The following XPNPEP1 variants were observed in gnomAD, a reference collection of about 807,000 sequenced individuals.
The protein encoded by XPNPEP1 is X-prolyl aminopeptidase 1, also known as xaa-Pro aminopeptidase 1.
Under a neutral mutation model 92.4 loss-of-function variants are expected in XPNPEP1, and 39 were observed. The observed-to-expected ratio is 0.42, with a 90% CI of 0.33 to 0.55. XPNPEP1 has a LOEUF of 0.55. Among genes scored for constraint, XPNPEP1 ranks in the 20% least tolerant of loss-of-function variants. The pLI is 0.08. For synonymous variants in XPNPEP1, 307 were observed against 299.4 expected, an observed-to-expected ratio of 1.03 and a Z score of -0.26; for missense variants, 654 against 856.1, an observed-to-expected ratio of 0.76 and a Z score of 2.95.
intron 7 of XPNPEP1, 98 bp from the exon 8 acceptor site, chr10:109,886,439 T>C: frequency 8.9e-7 from 1 of 1,121,592 alleles, no homozygotes; most frequent in South Asian, 1.4e-5. Context: ...ATCAGCACCA[T>C]TTCTTACAGG....
In XPNPEP1 at chr10:109,878,062, T is replaced by A. The variant is rs571595876; in HGVS notation, c.1183-4A>T. 11 of 1,613,740 alleles carry A rather than the reference T, an allele frequency of 6.8e-6. No individual in the cohort carries two copies. The South Asian group carries it at 1.2e-4, about 18-fold the overall frequency. Reference sequence around the variant, plus strand: ...CTGTCACACCACCTTTGGGAACCTATGAGAAAATTGCTTATAAATCATCTG... The same window carrying A: ...CTGTCACACCACCTTTGGGAACCTAAGAGAAAATTGCTTATAAATCATCTG... On this transcript the variant is annotated splice_region_variant and splice_polypyrimidine_tract_variant and intron_variant, in intron 12 of 20. Coordinates refer to ENST00000502935, the MANE Select transcript of XPNPEP1 (RefSeq NM_020383.4).
intron 5 of XPNPEP1, among the ~76,000 whole-genome samples, chr10:109,888,996 C>T (rs1416350270): frequency 6.6e-6 from 1 of 152,192 alleles, no homozygotes; most frequent in African/African-American, 2.4e-5. Flanking sequence ...AGTCTGGGAA[C>T]TGGGAGACTC....
chr10:109,879,373 C>T (rs1847964811), intron 12 of XPNPEP1, among the ~76,000 whole-genome samples: 2 of 152,050 alleles, frequency 1.3e-5, no homozygotes, highest in Non-Finnish European at 2.9e-5. Flanking sequence ...AGTTCAAGAC[C>T]AGCCTGGCCA....
At chr10:109,866,115 T>A (rs1313444351) in intron 20 of XPNPEP1, among the ~76,000 whole-genome samples, 1 of 152,216 alleles carries the variant, frequency 6.6e-6, no homozygotes, top group Non-Finnish European at 1.5e-5. Flanking sequence ...GGTAGCTGTC[T>A]GGAAGCTGAT....
chr10:109,906,344 G>A (rs1849558800), intron 3 of XPNPEP1, among the ~76,000 whole-genome samples: 1 of 152,158 alleles, frequency 6.6e-6, no homozygotes, highest in African/African-American at 2.4e-5. Context: ...AAGTAAGAGA[G>A]GAAAAGATAT....
chr10:109,904,745 A>T (rs1849463845), intron 3 of XPNPEP1, among the ~76,000 whole-genome samples: 1 of 152,216 alleles, frequency 6.6e-6, no homozygotes, highest in Admixed American at 6.5e-5. Flanking sequence ...TCACCTCACA[A>T]CAAAACAAAA....
chr10:109,916,376 G>A (rs1235281414), intron 1 of XPNPEP1, among the ~76,000 whole-genome samples: 1 of 152,234 alleles, frequency 6.6e-6, no homozygotes, highest in Non-Finnish European at 1.5e-5. Context: ...TGTATCAGGG[G>A]ATGGGGAGGT....
chr10:109,908,896 C>A (rs1321679884), intron 2 of XPNPEP1, among the ~76,000 whole-genome samples: 1 of 152,210 alleles, frequency 6.6e-6, no homozygotes, highest in Non-Finnish European at 1.5e-5. Flanking sequence ...GTCTTATCTT[C>A]TAGTGAATAC....
At chr10:109,881,426 G>T (rs1335398902) in intron 10 of XPNPEP1, among the ~76,000 whole-genome samples, 1 of 152,092 alleles carries the variant, frequency 6.6e-6, no homozygotes, top group Non-Finnish European at 1.5e-5. Context: ...TGAAGGGCTG[G>T]AGAAGACCCT....
chr10:109,888,110 G>C lies in XPNPEP1; in HGVS notation c.591C>G (p.Ile197Met). The change falls in exon 7 of 21, where the codon ATC becomes ATG. Residue 197 changes from isoleucine (I) to methionine (M), a missense_variant. By Grantham distance (10) the Ile-to-Met change is conservative. Transcript: ENST00000502935. ...IPVKENLVDK[I>M]WTDRPERPCK... is the part of the protein sequence containing the mutation. ...AAGGGCGCTCAGGACGGTCTGTCCA[G>C]ATTTTGTCAACGAGGTTCTCCTTGA... 6.2e-7 allele frequency: 1 copy of C among 1,614,122 alleles called. No individual in the cohort carries two copies. Among genetic ancestry groups the C allele is most frequent in the Non-Finnish European group, 8.5e-7 (1 of 1,180,028 alleles).
intron 1 of XPNPEP1, chr10:109,923,090 C>T (rs1266191919): frequency 5.3e-5 from 48 of 911,984 alleles, no homozygotes; most frequent in Non-Finnish European, 5.9e-5. Flanking sequence ...GGCCTTCCCG[C>T]GGGCCAGGAA....
intron 1 of XPNPEP1, 105 bp downstream of exon 1, chr10:109,923,297 G>A: frequency 1.6e-6 from 2 of 1,236,758 alleles, no homozygotes; most frequent in Non-Finnish European, 2.0e-6. Flanking sequence ...GCGGCGGGCC[G>A]GGCTCCTCAC....
At chr10:109,913,876 T>A (rs113841371) in intron 2 of XPNPEP1, among the ~76,000 whole-genome samples, 318 of 152,352 alleles carry the variant, frequency 2.1e-3, no homozygotes, top group Non-Finnish European at 3.1e-3. Flanking sequence ...CTAAGTTTAA[T>A]GATTCCATCA....
intron 10 of XPNPEP1, among the ~76,000 whole-genome samples, 196 bp from the exon 11 acceptor site, chr10:109,881,127 C>T (rs989797994): frequency 6.6e-6 from 1 of 152,158 alleles, no homozygotes; most frequent in Non-Finnish European, 1.5e-5. Context: ...TAAGCTCAAC[C>T]AAAAAGAGTA....
chr10:109,865,219 T>C lies in XPNPEP1; in HGVS notation c.1966A>G (p.Ile656Val). The change falls in exon 21 of 21, where the codon ATC becomes GTC. Residue 656 changes from isoleucine to valine, a missense_variant. Coordinates refer to ENST00000502935, the MANE Select transcript of XPNPEP1 (RefSeq NM_020383.4). ...QGRQEALEWL[I>V]RETQPISKQH ...TTGGAGATGGGTTGCGTCTCTCTGA[T>C]GAGCCACTCGAGAGCTTCCTGGCGG... is the stretch of plus-strand genomic sequence containing the variant. 1 of 1,614,176 alleles carries C rather than the reference T, an allele frequency of 6.2e-7. No individual in the cohort carries two copies. The highest frequency in any genetic ancestry group is 1.7e-5 in the Admixed American group (1 of 60,026).
intron 12 of XPNPEP1, among the ~76,000 whole-genome samples, chr10:109,879,158 C>T (rs1325607158): frequency 1.3e-5 from 2 of 151,890 alleles, no homozygotes; most frequent in African/African-American, 4.8e-5. Flanking sequence ...AGGAGAATGG[C>T]GTGAACCCAG....
intron 6 of XPNPEP1, 33 bp from the exon 7 acceptor site, chr10:109,888,225 C>T (rs1277374875): frequency 5.0e-6 from 8 of 1,601,082 alleles, no homozygotes; most frequent in African/African-American, 1.3e-5. Flanking sequence ...AGCCATGAGC[C>T]GAACGCCCAT....
At chr10:109,913,437 CG>C (rs1461482675) in intron 2 of XPNPEP1, among the ~76,000 whole-genome samples, 1 of 152,216 alleles carries the variant, frequency 6.6e-6, no homozygotes, top group Non-Finnish European at 1.5e-5. Flanking sequence ...CATCTTAACA[CG>C]GGCACAGATG....
intron 14 of XPNPEP1, chr10:109,875,810 G>C (rs1847752031): frequency 4.3e-6 from 2 of 460,918 alleles, no homozygotes; most frequent in East Asian, 7.2e-5. Flanking sequence ...CCCCAGCTGA[G>C]ATAAAGAGCT....
Sources: allele counts gnomAD v4.1 joint callset (sites outside exome capture counted in the v4.1 genomes callset), GRCh38; gene constraint gnomAD v4.1.1; transcripts MANE v1.5; gene names NCBI Gene and HGNC (gene_info 2026-07-23, HGNC 2026-07-21).